KRT8: variants seen among roughly 807,000 people sequenced by gnomAD.
KRT8 encodes the protein keratin, type II cytoskeletal 8.
Under a neutral mutation model 43.0 loss-of-function variants are expected in KRT8, and 24 were observed. That is an observed-to-expected ratio of 0.56 (90% CI 0.40 to 0.78). The LOEUF is 0.78. Ranked by LOEUF, KRT8 falls within the 30% of genes least tolerant of loss-of-function variation. The pLI, the probability that KRT8 is intolerant of heterozygous loss-of-function variation, is 0.00. For synonymous variants in KRT8, 214 were observed against 261.2 expected (o/e 0.82, Z 1.74); for missense variants, 492 against 638.4 (o/e 0.77, Z 2.47).
intron 2 of KRT8, among the ~76,000 whole-genome samples, chr12:52,943,845 A>T (rs1942303550): frequency 6.6e-6 from 1 of 152,216 alleles, no homozygotes; most frequent in Admixed American, 6.5e-5. Context: ...GCCAGGAAAG[A>T]GGCTGACAGA....
At chr12:52,897,696 T>C (rs143717163) in intron 7 of KRT8, 78 bp from the exon 8 acceptor site, 48,842 of 1,583,664 alleles carry the variant, frequency 0.031, 1,007 homozygotes, top group Admixed American at 0.082. Flanking sequence ...TCCCTGCTCA[T>C]TCCCAACATA....
At position 52,912,666 on chromosome 12, in the gene KRT8, G is replaced by A. The variant is rs139246618; in HGVS notation, c.-46-7639C>T. 3.2e-3 allele frequency among the ~76,000 whole-genome samples: 484 copies of A among 152,302 alleles called. 2 individuals carry two copies. Among genetic ancestry groups the A allele is most frequent in the South Asian group, 9.7e-3 (47 of 4,824 alleles). On this transcript the variant is annotated intron_variant, in intron 2 of 6. Transcript: ENST00000546826. ...GGGCAGGGGATGGTCCTCTGCAGTC[G>A]CCTGGCCTCCATGTCTCATCCCACC...
At chr12:52,907,793 T>G (rs767292157), upstream of KRT8, among the ~76,000 whole-genome samples, 38 of 152,136 alleles carry the variant, frequency 2.5e-4, 1 homozygote, top group Non-Finnish European at 3.5e-4. Flanking sequence ...GAGGCCAGAG[T>G]TGGCCTCTCT....
At chr12:52,905,876 GA>G (rs552319198), upstream of KRT8, among the ~76,000 whole-genome samples, 60 of 152,016 alleles carry the variant, frequency 3.9e-4, 1 homozygote, top group African/African-American at 1.4e-3. Flanking sequence ...GGCGGATCAC[GA>G]GGTCAGGAGT....
chr12:52,928,084 G>A (rs750967974), intron 2 of KRT8, among the ~76,000 whole-genome samples: 13 of 152,268 alleles, frequency 8.5e-5, no homozygotes, highest in East Asian at 1.9e-4. Context: ...AACAGGGAGC[G>A]CTCTTGGCCT....
At chr12:52,901,021 T>G (rs992154750) in intron 3 of KRT8, 138 bp downstream of exon 3, 1 of 778,452 alleles carries the variant, frequency 1.3e-6, no homozygotes, top group Admixed American at 1.7e-5. Context: ...TCTACCTTTC[T>G]GTGCACCCAA....
At chr12:52,910,879 G>T (rs1386210157), upstream of KRT8, among the ~76,000 whole-genome samples, 3 of 152,198 alleles carry the variant, frequency 2.0e-5, no homozygotes. Flanking sequence ...GGGAGTTGGG[G>T]ACAGGGACTA....
intron 2 of KRT8, among the ~76,000 whole-genome samples, chr12:52,916,718 A>C (rs1279707967): frequency 6.6e-6 from 1 of 152,174 alleles, no homozygotes; most frequent in Non-Finnish European, 1.5e-5. Context: ...TAACAGCACG[A>C]TGAGGCTGTC....
At chr12:52,932,092 C>CT (rs139882612) in intron 2 of KRT8, among the ~76,000 whole-genome samples, 5,768 of 128,668 alleles carry the variant, frequency 0.045, 244 homozygotes, top group African/African-American at 0.099. Context: ...GTAAATCATT[C>CT]TTTTTTTTTT....
In KRT8 at chr12:52,923,409, A is replaced by ATTGTT. The variant is rs573304296; in HGVS notation, c.-46-18387_-46-18383dup. Among the ~76,000 whole-genome samples, 651 of 152,010 alleles carry ATTGTT rather than the reference A, an allele frequency of 4.3e-3. 2 individuals carry two copies. The highest frequency in any genetic ancestry group is 0.01 in the Middle Eastern group (3 of 294). The stretch of plus-strand genomic sequence containing the variant: ...AAGGGGCAGGACCATTTATTCCTAA[A>ATTGTT]TTGTTTTGTTTTGTTTTGTTTTGTT... On this transcript the variant is annotated intron_variant, in intron 2 of 6. Transcript: ENST00000546826.
chr12:52,944,128 C>T (rs1339829647), intron 2 of KRT8, among the ~76,000 whole-genome samples: 1 of 152,162 alleles, frequency 6.6e-6, no homozygotes, highest in Non-Finnish European at 1.5e-5. Flanking sequence ...GGCACGTCAT[C>T]TCATTTGGTC....
chr12:52,898,015 T>A (rs1417412179), intron 7 of KRT8, among the ~76,000 whole-genome samples: 1 of 152,008 alleles, frequency 6.6e-6, no homozygotes, highest in African/African-American at 2.4e-5. Flanking sequence ...AATACAAAAA[T>A]TAGCTGGGCA....
chr12:52,926,341 A>AGTGGC, intron 2 of KRT8: 1 of 322,124 alleles, frequency 3.1e-6, no homozygotes, highest in Non-Finnish European at 5.8e-6. Flanking sequence ...TGCCCTCCCC[A>AGTGGC]CCCCACCCCC....
chr12:52,924,186 T>C (rs947634408), intron 2 of KRT8, among the ~76,000 whole-genome samples: 1 of 152,090 alleles, frequency 6.6e-6, no homozygotes, highest in African/African-American at 2.4e-5. Flanking sequence ...CAGTGGCTCA[T>C]GCCTGTAATC....
chr12:52,906,779 A>C (rs1018377223), upstream of KRT8: 10 of 455,708 alleles, frequency 2.2e-5, no homozygotes, highest in Middle Eastern at 3.2e-4. Flanking sequence ...CATAGCCCTG[A>C]CCCAGGGAAG....
chr12:52,910,572 A>T (rs1417389025), upstream of KRT8, among the ~76,000 whole-genome samples: 2 of 152,248 alleles, frequency 1.3e-5, no homozygotes, highest in East Asian at 3.8e-4. Flanking sequence ...CCCACTCCTG[A>T]CAGTGAAGAC....
At chr12:52,938,170 A>AT (rs780140219) in intron 2 of KRT8, among the ~76,000 whole-genome samples, 776 of 30,116 alleles carry the variant, frequency 0.026, 87 homozygotes, top group Non-Finnish European at 0.029. Flanking sequence ...ATATATATAT[A>AT]TTTTTTTTTT....
chr12:52,910,433 G>A (rs1941611983), upstream of KRT8, among the ~76,000 whole-genome samples: 1 of 152,186 alleles, frequency 6.6e-6, no homozygotes, highest in Non-Finnish European at 1.5e-5. Context: ...TGCTTAGAAA[G>A]GGTGATATAC....
At chr12:52,924,081 A>C (rs1403486961) in intron 2 of KRT8, among the ~76,000 whole-genome samples, 1 of 151,920 alleles carries the variant, frequency 6.6e-6, no homozygotes, top group African/African-American at 2.4e-5. Flanking sequence ...TCCTGACCTC[A>C]GGTGATCCGC....
Sources: gnomAD v4.1 joint callset for allele counts (sites outside exome capture counted in the v4.1 genomes callset) on GRCh38, gnomAD v4.1.1 for gene constraint, MANE v1.5 for transcripts, NCBI Gene and HGNC (gene_info 2026-07-23, HGNC 2026-07-21) for gene names.